The following HIVEP2 variants were observed in gnomAD, a reference collection of about 807,000 sequenced individuals.
The protein encoded by HIVEP2 is transcription factor HIVEP2.
Under a neutral mutation model 180.7 loss-of-function variants are expected in HIVEP2, and 14 were observed. The observed-to-expected ratio is 0.08, with a 90% CI of 0.05 to 0.12. The LOEUF is 0.12. Among genes scored for constraint, HIVEP2 ranks in the 10% least tolerant of loss-of-function variants. HIVEP2 has a pLI of 1.00. For synonymous variants in HIVEP2, 1,184 were observed against 1,136.4 expected, an observed-to-expected ratio of 1.04 and a Z score of -0.84; for missense variants, 2,579 against 3,008.5, an observed-to-expected ratio of 0.86 and a Z score of 3.34.
chr6:142,836,651 A>T (rs1374354692), intron 2 of HIVEP2, among the ~76,000 whole-genome samples: 1 of 152,164 alleles, frequency 6.6e-6, no homozygotes, highest in Non-Finnish European at 1.5e-5. Flanking sequence ...TTACTTCAAG[A>T]TTATAATAAG....
chr6:142,906,719 C>T (rs1189739496), intron 1 of HIVEP2, among the ~76,000 whole-genome samples: 1 of 151,800 alleles, frequency 6.6e-6, no homozygotes, highest in Non-Finnish European at 1.5e-5. Flanking sequence ...TGGTAATATG[C>T]AAAATGAAAG....
At chr6:142,783,379 C>T (rs1462430540) in intron 3 of HIVEP2, 142 bp downstream of exon 3, 1 of 111,062 alleles carries the variant, frequency 9.0e-6, no homozygotes, top group Non-Finnish European at 1.9e-5. Context: ...AAACAAAATA[C>T]AACAAAACAA....
intron 2 of HIVEP2, among the ~76,000 whole-genome samples, chr6:142,802,494 T>G (rs538129833): frequency 6.6e-6 from 1 of 151,744 alleles, no homozygotes; most frequent in South Asian, 2.1e-4. Context: ...AACTGACTAG[T>G]ACATCTGAGT....
chr6:142,815,301 C>T (rs1323413728), intron 2 of HIVEP2, among the ~76,000 whole-genome samples: 1 of 152,038 alleles, frequency 6.6e-6, no homozygotes, highest in African/African-American at 2.4e-5. Flanking sequence ...GATTGGGGGA[C>T]AGAATCAATG....
intron 2 of HIVEP2, among the ~76,000 whole-genome samples, chr6:142,793,673 T>TTCTTTCTTTCTTTCTTTCTCTCTC (rs1289211652): frequency 4.5e-4 from 48 of 107,482 alleles, no homozygotes; most frequent in African/African-American, 1.6e-3. Context: ...CTTTCTTTCT[T>TTCTTTCTTTCTTTCTTTCTCTCTC]TCTCTCTCTC....
intron 1 of HIVEP2, among the ~76,000 whole-genome samples, chr6:142,915,810 T>C (rs960705576): frequency 6.6e-6 from 1 of 152,080 alleles, no homozygotes; most frequent in Non-Finnish European, 1.5e-5. Flanking sequence ...GACACCCACT[T>C]CCATCTCCAG....
chr6:142,909,090 C>T (rs1178860081), intron 1 of HIVEP2, among the ~76,000 whole-genome samples: 3 of 152,256 alleles, frequency 2.0e-5, no homozygotes, highest in Non-Finnish European at 4.4e-5. Flanking sequence ...ATTGTCTCTA[C>T]TATATGGAGC....
At chr6:142,777,814 C>T (rs1775743968) in intron 3 of HIVEP2, among the ~76,000 whole-genome samples, 1 of 151,870 alleles carries the variant, frequency 6.6e-6, no homozygotes, top group African/African-American at 2.4e-5. Flanking sequence ...AAATAAAACA[C>T]TAGTTAATAA....
At chr6:142,817,143 A>G (rs549618461) in intron 2 of HIVEP2, among the ~76,000 whole-genome samples, 4 of 152,312 alleles carry the variant, frequency 2.6e-5, no homozygotes, top group East Asian at 1.9e-4. Flanking sequence ...GGAGGGCCCA[A>G]ATTTTCTTCT....
intron 1 of HIVEP2, among the ~76,000 whole-genome samples, chr6:142,898,802 T>C (rs909638559): frequency 1.3e-5 from 2 of 152,220 alleles, no homozygotes; most frequent in Admixed American, 1.3e-4. Context: ...TTGCCTTCAA[T>C]TTCCCTCACC....
chr6:142,757,684 T>A (rs1432927190), intron 9 of HIVEP2, among the ~76,000 whole-genome samples: 1 of 152,010 alleles, frequency 6.6e-6, no homozygotes, highest in Non-Finnish European at 1.5e-5. Context: ...CATGATCAGA[T>A]ATTTAAAAAA....
chr6:142,938,594 T>C (rs1186720950), intron 1 of HIVEP2, among the ~76,000 whole-genome samples: 2 of 152,260 alleles, frequency 1.3e-5, no homozygotes, highest in African/African-American at 2.4e-5. Context: ...CCTATGGTTT[T>C]CTATGATTTG....
At chr6:142,782,043 C>T (rs182264592) in intron 3 of HIVEP2, among the ~76,000 whole-genome samples, 4 of 152,258 alleles carry the variant, frequency 2.6e-5, no homozygotes, top group Admixed American at 1.3e-4. Flanking sequence ...TAAATAATGA[C>T]GGTATACAAT....
At chr6:142,872,475 A>C (rs868539833) in intron 1 of HIVEP2, among the ~76,000 whole-genome samples, 3 of 152,198 alleles carry the variant, frequency 2.0e-5, no homozygotes, top group Admixed American at 2.0e-4. Context: ...TTTATTTTAA[A>C]ATATAAGTTG....
chr6:142,771,080 G>A lies in HIVEP2; in HGVS notation c.3659C>T (p.Ala1220Val), dbSNP rs752537557. The A allele has an allele frequency of 1.2e-5, 20 of 1,613,998 alleles. No homozygotes were observed. The highest frequency in any genetic ancestry group is 8.0e-5 in the African/African-American group (6 of 74,934). Reference protein sequence around the residue: ...YPTVCMVHLPAQQPPWWQAHF... With the variant: ...YPTVCMVHLPVQQPPWWQAHF... ...TGCCTGCCACCAGGGAGGCTGCTGA[G>A]CTGGTAAATGAACCATACAAACTGT... Residue 1220 changes from alanine to valine, a missense_variant, in exon 5 of 10, where the codon GCT becomes GTT. This residue lies in a region of HIVEP2 where 523 missense variants were observed against 577.0 expected (regional missense o/e 0.91). Transcript: ENST00000367603. This position sits in a 1 kb window ranked among gnomAD's most constrained non-coding sequence, Gnocchi z 5.4.
intron 2 of HIVEP2, among the ~76,000 whole-genome samples, chr6:142,805,419 T>C (rs1776523219): frequency 7.0e-6 from 1 of 142,104 alleles, no homozygotes; most frequent in Non-Finnish European, 1.5e-5. Context: ...ATCCCAACAC[T>C]GCCCCCCAAC....
At chr6:142,855,579 C>T (rs562766552) in intron 1 of HIVEP2, among the ~76,000 whole-genome samples, 13 of 152,312 alleles carry the variant, frequency 8.5e-5, no homozygotes, top group African/African-American at 2.2e-4. Context: ...TTAATAACCA[C>T]GTGGTAGAAA....
chr6:142,862,338 T>C (rs1776000033), intron 1 of HIVEP2, among the ~76,000 whole-genome samples: 1 of 151,022 alleles, frequency 6.6e-6, no homozygotes, highest in African/African-American at 2.4e-5. Context: ...ATATATTATG[T>C]AATACATCTA....
At position 142,771,566 on chromosome 6, in the gene HIVEP2, T is replaced by C; in HGVS notation, c.3173A>G (p.His1058Arg). 1.9e-6 allele frequency: 3 copies of C among 1,614,020 alleles called. No individual in the cohort carries two copies. The highest frequency in any genetic ancestry group is 2.5e-6 in the Non-Finnish European group (3 of 1,180,020). ...SKSFDYGNLS[H>R]APVSGAAAST... Reference sequence around the variant, plus strand: ...GGCTGCTGCTCCCGACACAGGAGCATGGGACAGATTCCCATAATCAAATGA... The same window carrying C: ...GGCTGCTGCTCCCGACACAGGAGCACGGGACAGATTCCCATAATCAAATGA... Residue 1058 changes from histidine (H) to arginine (R), a missense_variant, in exon 5 of 10, where the codon CAT becomes CGT. By Grantham distance (29) the His-to-Arg change is conservative (BLOSUM62 0). Transcript: ENST00000367603. This position sits in a 1 kb window ranked among gnomAD's most constrained non-coding sequence, Gnocchi z 5.4.
Sources: gnomAD v4.1 joint callset for allele counts (sites outside exome capture counted in the v4.1 genomes callset) on GRCh38, gnomAD v4.1.1 for gene constraint, gnomAD v4.1.1 regional missense constraint, Gnocchi (gnomAD v3.1) non-coding constraint, MANE v1.5 for transcripts, NCBI Gene and HGNC (gene_info 2026-07-23, HGNC 2026-07-21) for gene names.